Variants in PIAS1 observed in about 807,000 individuals in gnomAD.
The protein encoded by PIAS1 is E3 SUMO-protein ligase PIAS1.
In PIAS1, 6 loss-of-function variants were observed where a neutral mutation model predicts 71.3. The observed-to-expected ratio is 0.08, with a 90% confidence interval of 0.05 to 0.17. The LOEUF (loss-of-function observed/expected upper bound fraction) is 0.17, where lower values mean the gene tolerates loss of function less well. PIAS1 is among the 10% of genes least tolerant of loss of function. PIAS1 has a pLI of 1.00. For synonymous variants in PIAS1, 303 were observed against 292.9 expected (o/e 1.03, Z -0.35); for missense variants, 555 against 793.6 (o/e 0.70, Z 3.61).
In PIAS1 at chr15:68,176,520, GTCC is replaced by G; in HGVS notation, c.1350_1352del (p.Ser451del). On this transcript the variant is annotated inframe_deletion, in exon 11 of 14. Transcript: ENST00000249636. ...AGCATCAGGTAGCGTCTCACCACCA[GTCC>G]TCAAATAAAAACAAGAAAGTAGAAG... is the stretch of plus-strand genomic sequence containing the variant. 2 of 1,612,262 alleles carry G rather than the reference GTCC, an allele frequency of 1.2e-6. No individual in the cohort carries two copies. The highest frequency in any genetic ancestry group is 1.7e-6 in the Non-Finnish European group (2 of 1,179,240).
intron 2 of PIAS1, among the ~76,000 whole-genome samples, chr15:68,138,842 A>G (rs1223585176): frequency 6.6e-6 from 1 of 152,184 alleles, no homozygotes; most frequent in African/African-American, 2.4e-5. Flanking sequence ...TTGGACAGTG[A>G]GTAATTCTGA....
chr15:68,132,924 T>C (rs972202863), intron 2 of PIAS1, among the ~76,000 whole-genome samples: 2 of 152,040 alleles, frequency 1.3e-5, no homozygotes, highest in Non-Finnish European at 2.9e-5. Flanking sequence ...ATTCTCTGTC[T>C]CTCATAGGTA....
intron 1 of PIAS1, among the ~76,000 whole-genome samples, chr15:68,056,132 G>T (rs906905828): frequency 6.6e-6 from 1 of 152,154 alleles, no homozygotes; most frequent in Admixed American, 6.5e-5. Flanking sequence ...TTTTCTCTTA[G>T]AGTCACTATG....
Position 68,113,554 on chromosome 15 carries a change from T to C in PIAS1, c.469+26804T>C, listed in dbSNP as rs534314705. ...GAGAGAATAGATGAGCCAGATAAAGTGTATTTACCATACTTTTAACTCCTG... is the reference window on the plus strand; with the variant it reads ...GAGAGAATAGATGAGCCAGATAAAGCGTATTTACCATACTTTTAACTCCTG... On this transcript the variant is annotated intron_variant, in intron 2 of 13. Coordinates refer to ENST00000249636, the MANE Select transcript of PIAS1 (RefSeq NM_016166.3). 3.3e-5 allele frequency among the ~76,000 whole-genome samples: 5 copies of C among 152,230 alleles called. No homozygotes were observed. In the East Asian group the frequency reaches 7.7e-4, roughly 24 times the overall value.
intron 2 of PIAS1, among the ~76,000 whole-genome samples, chr15:68,110,247 A>G (rs1489799428): frequency 6.6e-6 from 1 of 152,198 alleles, no homozygotes; most frequent in East Asian, 1.9e-4. Flanking sequence ...TATTTGAAGA[A>G]AAAATTTTTT....
At position 68,153,658 on chromosome 15, in the gene PIAS1, A is replaced by C; in HGVS notation, c.897A>C (p.Ala299=). 1 of 1,587,808 alleles carries C rather than the reference A, an allele frequency of 6.3e-7. No homozygotes were observed. The part of the protein sequence containing the change: ...SSTVLLQRLR[A]KGIRNPDHSR... ...CAGTTCTTCTTCAGAGGTTACGAGC[A>C]AAGGGAATAAGGAATCCGGATCATT... Residue 299 remains alanine (A), a synonymous_variant, in exon 7 of 14, where the codon GCA becomes GCC. Transcript: ENST00000249636.
intron 2 of PIAS1, among the ~76,000 whole-genome samples, chr15:68,131,917 C>T (rs2092690168): frequency 6.6e-6 from 1 of 151,368 alleles, no homozygotes; most frequent in South Asian, 2.1e-4. Context: ...AAAAAAAAAT[C>T]CTAGGCTGGG....
At chr15:68,132,703 G>C (rs2092696367) in intron 2 of PIAS1, among the ~76,000 whole-genome samples, 1 of 152,098 alleles carries the variant, frequency 6.6e-6, no homozygotes, top group Non-Finnish European at 1.5e-5. Context: ...CTAGGGTTAA[G>C]TTCAATTTGA....
At chr15:68,099,682 T>G (rs2092407183) in intron 2 of PIAS1, among the ~76,000 whole-genome samples, 1 of 151,908 alleles carries the variant, frequency 6.6e-6, no homozygotes, top group Non-Finnish European at 1.5e-5. Flanking sequence ...GGGGGTTTTT[T>G]TTTTGGGAGA....
intron 7 of PIAS1, among the ~76,000 whole-genome samples, chr15:68,157,737 AC>A (rs1228741975): frequency 6.6e-6 from 1 of 151,920 alleles, no homozygotes; most frequent in Non-Finnish European, 1.5e-5. Context: ...TTTTCTACGC[AC>A]CCTTATGGTT....
At chr15:68,165,436 G>A (rs1468584830) in intron 8 of PIAS1, among the ~76,000 whole-genome samples, 1 of 152,114 alleles carries the variant, frequency 6.6e-6, no homozygotes, top group Non-Finnish European at 1.5e-5. Flanking sequence ...TTTTACTTAA[G>A]ATAGTACCTT....
intron 1 of PIAS1, among the ~76,000 whole-genome samples, chr15:68,064,373 A>G (rs2091993672): frequency 6.6e-6 from 1 of 152,216 alleles, no homozygotes; most frequent in Non-Finnish European, 1.5e-5. Flanking sequence ...ATATTAATGA[A>G]TGTGTTATGT....
At chr15:68,142,564 A>G (rs1274955105) in intron 4 of PIAS1, among the ~76,000 whole-genome samples, 2 of 152,084 alleles carry the variant, frequency 1.3e-5, no homozygotes, top group Non-Finnish European at 2.9e-5. Flanking sequence ...TATTTGGGTG[A>G]GGGAAAACAT....
At chr15:68,161,214 T>C (rs1215519316) in intron 7 of PIAS1, among the ~76,000 whole-genome samples, 2 of 152,150 alleles carry the variant, frequency 1.3e-5, no homozygotes, top group African/African-American at 4.8e-5. Context: ...TCCAAAAATA[T>C]GAAACACGTG....
intron 2 of PIAS1, among the ~76,000 whole-genome samples, chr15:68,129,249 G>A (rs898758695): frequency 1.3e-5 from 2 of 151,968 alleles, no homozygotes; most frequent in African/African-American, 2.4e-5. Context: ...GTTATTTTTT[G>A]TAGAGACAGG....
At chr15:68,134,837 CG>C (rs1454987934) in intron 2 of PIAS1, among the ~76,000 whole-genome samples, 2 of 40,020 alleles carry the variant, frequency 5.0e-5, no homozygotes, top group African/African-American at 1.1e-4. Context: ...GCTGGCCGGG[CG>C]GGGGGCTGAC....
chr15:68,135,195 G>T (rs377176815), intron 2 of PIAS1, among the ~76,000 whole-genome samples: 1,712 of 33,574 alleles, frequency 0.051, 13 homozygotes, highest in African/African-American at 0.083. Flanking sequence ...GCGGGGGGCT[G>T]ACCCCCCCAC....
intron 1 of PIAS1, among the ~76,000 whole-genome samples, chr15:68,067,044 T>A (rs140900450): frequency 6.6e-6 from 1 of 152,226 alleles, no homozygotes; most frequent in African/African-American, 2.4e-5. Flanking sequence ...GTCCCACTTA[T>A]GAGTATGCAG....
chr15:68,161,231 C>T (rs2092922003), intron 7 of PIAS1, among the ~76,000 whole-genome samples: 1 of 152,076 alleles, frequency 6.6e-6, no homozygotes, highest in Non-Finnish European at 1.5e-5. Flanking sequence ...CGTGGGGATA[C>T]ATCACACAAA....
Sources: gnomAD v4.1 joint callset for allele counts (sites outside exome capture counted in the v4.1 genomes callset) on GRCh38, gnomAD v4.1.1 for gene constraint, MANE v1.5 for transcripts, NCBI Gene and HGNC (gene_info 2026-07-23, HGNC 2026-07-21) for gene names.